PARN: variants seen among roughly 807,000 people sequenced by gnomAD.
The protein encoded by PARN is poly(A)-specific ribonuclease.
A neutral mutation model predicts 102.8 loss-of-function variants in PARN; 71 were observed. The observed-to-expected ratio is 0.69, with a 90% CI of 0.57 to 0.84. The LOEUF (loss-of-function observed/expected upper bound fraction) is 0.84, where lower values mean the gene tolerates loss of function less well. PARN is among the 40% of genes least tolerant of loss of function. PARN has a pLI of 0.00. For synonymous variants in PARN, 261 were observed against 252.9 expected, an observed-to-expected ratio of 1.03 and a Z score of -0.30; for missense variants, 782 against 760.9, an observed-to-expected ratio of 1.03 and a Z score of -0.33.
At chr16:14,615,185 G>C (rs1269947026) in intron 6 of PARN, among the ~76,000 whole-genome samples, 4 of 152,088 alleles carry the variant, frequency 2.6e-5, no homozygotes, top group African/African-American at 4.8e-5. Context: ...ATGGGATGAG[G>C]CTTGGTAGTA....
intron 12 of PARN, among the ~76,000 whole-genome samples, chr16:14,595,344 GCGCACACACA>G (rs769618734): frequency 2.0e-4 from 30 of 152,062 alleles, no homozygotes; most frequent in Admixed American, 1.0e-3. Flanking sequence ...ATACACCCAT[GCGCACACACA>G]CACAAACACA....
At chr16:14,439,739 G>C (rs1960866291) in intron 23 of PARN, among the ~76,000 whole-genome samples, 2 of 152,154 alleles carry the variant, frequency 1.3e-5, no homozygotes, top group South Asian at 4.1e-4. Flanking sequence ...AAAGAGGCTG[G>C]CTGTGGTGGC....
chr16:14,556,468 C>T (rs760806965), intron 18 of PARN, among the ~76,000 whole-genome samples: 1 of 152,152 alleles, frequency 6.6e-6, no homozygotes, highest in Non-Finnish European at 1.5e-5. Flanking sequence ...CATGTAAAAT[C>T]ATTTCTAAAG....
intron 5 of PARN, among the ~76,000 whole-genome samples, chr16:14,618,454 A>G (rs1972067589): frequency 6.6e-6 from 1 of 150,698 alleles, no homozygotes. Flanking sequence ...TGCCACTGCC[A>G]CTGCACTCCA....
At chr16:14,628,534 C>T (rs983784152) in intron 2 of PARN, among the ~76,000 whole-genome samples, 2 of 152,176 alleles carry the variant, frequency 1.3e-5, no homozygotes, top group African/African-American at 4.8e-5. Flanking sequence ...AATCTCTATG[C>T]TTGAATAAGT....
chr16:14,517,119 A>G (rs774715383), intron 21 of PARN, among the ~76,000 whole-genome samples: 4 of 152,342 alleles, frequency 2.6e-5, no homozygotes, highest in East Asian at 1.9e-4. Flanking sequence ...AGACTGTAAA[A>G]TGGCAAAAAA....
At chr16:14,610,470 CAAAAAA>C (rs554927448) in intron 7 of PARN, among the ~76,000 whole-genome samples, 168 bp downstream of exon 7, 2 of 91,336 alleles carry the variant, frequency 2.2e-5, no homozygotes, top group Non-Finnish European at 4.2e-5. Flanking sequence ...AAGACTGTCT[CAAAAAA>C]AAAAAAAAAA....
intron 9 of PARN, among the ~76,000 whole-genome samples, chr16:14,607,782 C>A (rs1321608010): frequency 6.6e-6 from 1 of 152,144 alleles, no homozygotes; most frequent in Admixed American, 6.6e-5. Flanking sequence ...GAAATGTCCA[C>A]CTGTCTATGT....
intron 23 of PARN, among the ~76,000 whole-genome samples, chr16:14,437,945 C>A (rs1960777075): frequency 6.6e-6 from 1 of 152,178 alleles, no homozygotes. Context: ...ATTTCTACTT[C>A]TGATCATTTA....
chr16:14,540,087 T>C (rs1176509873), intron 21 of PARN, among the ~76,000 whole-genome samples: 2 of 152,104 alleles, frequency 1.3e-5, no homozygotes, highest in South Asian at 2.1e-4. Flanking sequence ...CTGGAACCAA[T>C]CCCCCATGGA....
At chr16:14,524,428 C>T (rs1274132126) in intron 21 of PARN, among the ~76,000 whole-genome samples, 2 of 152,158 alleles carry the variant, frequency 1.3e-5, no homozygotes, top group South Asian at 4.1e-4. Context: ...CTGTTCACTG[C>T]TGCTGCTAAA....
rs913617123 is a variant in PARN, at chr16:14,446,910, C to T, written c.1842G>A (p.Met614Ile). Residue 614 changes from methionine (M) to isoleucine (I), a missense_variant, in exon 23 of 24, where the codon ATG (methionine) becomes ATA (isoleucine). Coordinates refer to ENST00000437198, the MANE Select transcript of PARN (RefSeq NM_002582.4). ...GRKKAKKLKR[M>I]KKELSPAGSI... ...AACCTGCTGGAGAAAGCTCCTTCTT[C>T]ATTCTTTTTAATTTCTTGGCCTTTT... is the stretch of plus-strand genomic sequence containing the variant. The T allele has an allele frequency of 1.5e-5, 24 of 1,613,074 alleles. No individual in the cohort carries two copies. The highest frequency in any genetic ancestry group is 2.0e-5 in the Non-Finnish European group (24 of 1,179,498).
At chr16:14,468,878 AATAGATAGATAGATAG>A (rs59011829) in intron 22 of PARN, among the ~76,000 whole-genome samples, 22,391 of 139,624 alleles carry the variant, frequency 0.16, 2,229 homozygotes, top group Middle Eastern at 0.27. Context: ...CCCATTACTA[AATAGATAGATAGATAG>A]ATAGATAGAT....
rs540612461 is a variant in PARN at position 14,475,641 on chromosome 16, G to A, written c.1670+6997C>T. On this transcript the variant is annotated intron_variant, in intron 22 of 23. Transcript: ENST00000437198. ...CTCTAGCAGCACTGCTAATAGCCAC[G>A]TGTAGAAGCTCGACTGCTCTGACCA... 5.9e-5 allele frequency among the ~76,000 whole-genome samples: 9 copies of A among 152,336 alleles called. No individual in the cohort carries two copies. In the South Asian group the frequency reaches 1.2e-3, roughly 21 times the overall value.
chr16:14,607,906 A>ACCT (rs575551427), intron 9 of PARN, among the ~76,000 whole-genome samples: 77 of 152,214 alleles, frequency 5.1e-4, no homozygotes, highest in African/African-American at 1.6e-3. Context: ...GGATTCACAG[A>ACCT]CCTCCTGAAA....
intron 12 of PARN, among the ~76,000 whole-genome samples, chr16:14,598,680 G>A (rs1970677643): frequency 6.6e-6 from 1 of 152,118 alleles, no homozygotes; most frequent in African/African-American, 2.4e-5. Context: ...CCACTTACTT[G>A]AGCAAGAGAA....
At chr16:14,593,934 C>G (rs1596789184) in intron 12 of PARN, among the ~76,000 whole-genome samples, 1 of 151,724 alleles carries the variant, frequency 6.6e-6, no homozygotes, top group Non-Finnish European at 1.5e-5. Flanking sequence ...GAGGCAGAGG[C>G]TGCAGTGAGC....
intron 22 of PARN, among the ~76,000 whole-genome samples, chr16:14,466,411 T>C (rs1391273395): frequency 6.6e-6 from 1 of 152,222 alleles, no homozygotes; most frequent in Non-Finnish European, 1.5e-5. Flanking sequence ...TGTTAAGTCA[T>C]GACTTGTCTT....
chr16:14,598,666 C>A lies in PARN; in HGVS notation c.840+1238G>T, dbSNP rs957433852. On this transcript the variant is annotated intron_variant, in intron 12 of 23. Transcript: ENST00000437198. ...TTCCAACTTTCTATTCGACTTTAATCGCCCCACTTACTTGAGCAAGAGAAG... is the reference window on the plus strand; with the variant it reads ...TTCCAACTTTCTATTCGACTTTAATAGCCCCACTTACTTGAGCAAGAGAAG... Among the ~76,000 whole-genome samples, 10 of 152,294 alleles carry A rather than the reference C, an allele frequency of 6.6e-5. 1 individual carries two copies. The East Asian group carries it at 1.9e-3, about 29-fold the overall frequency.
Sources: allele counts gnomAD v4.1 joint callset (sites outside exome capture counted in the v4.1 genomes callset), GRCh38; gene constraint gnomAD v4.1.1; transcripts MANE v1.5; gene names NCBI Gene and HGNC (gene_info 2026-07-23, HGNC 2026-07-21).